The following CNTN4 variants were observed in gnomAD, a reference collection of about 807,000 sequenced individuals.
CNTN4 encodes contactin-4.
A neutral mutation model predicts 122.5 loss-of-function variants in CNTN4; 77 were observed. The ratio of observed to expected loss-of-function variants is 0.63; its 90% CI spans 0.52 to 0.76. The LOEUF is 0.76. Among genes scored for constraint, CNTN4 ranks in the 30% least tolerant of loss-of-function variants. CNTN4 has a pLI of 0.00. For synonymous variants in CNTN4, 512 were observed against 447.0 expected (o/e 1.15, Z -1.83); for missense variants, 1,256 against 1,259.1 (o/e 1.00, Z 0.04).
intron 13 of CNTN4, among the ~76,000 whole-genome samples, chr3:2,941,472 C>T (rs2094614618): frequency 6.6e-6 from 1 of 152,232 alleles, no homozygotes; most frequent in South Asian, 2.1e-4. Flanking sequence ...TTATACACCA[C>T]CTCTCTCTGA....
chr3:2,815,406 C>T lies in CNTN4; in HGVS notation c.359-4080C>T, dbSNP rs373988962. 1.5e-3 allele frequency among the ~76,000 whole-genome samples: 223 copies of T among 152,212 alleles called. 9 individuals are homozygous for T. The South Asian group carries it at 0.041, about 28-fold the overall frequency. On this transcript the variant is annotated intron_variant, in intron 6 of 24. Coordinates refer to ENST00000418658, the MANE Select transcript of CNTN4 (RefSeq NM_175607.3). ...ACAAATCAATAAGAAAAAAATCAAA[C>T]AGTCCCATCAAAAAAGTGGACTAAG...
chr3:2,566,620 A>G (rs1445283317), intron 3 of CNTN4, among the ~76,000 whole-genome samples: 2 of 151,666 alleles, frequency 1.3e-5, no homozygotes, highest in African/African-American at 4.8e-5. Flanking sequence ...AGGAGGCAGA[A>G]TTTGAATCCA....
At chr3:2,494,708 T>A (rs968383944) in intron 3 of CNTN4, among the ~76,000 whole-genome samples, 10 of 152,206 alleles carry the variant, frequency 6.6e-5, no homozygotes, top group Admixed American at 6.5e-4. Context: ...CAAAGAAATA[T>A]ATTTCAGGGT....
At chr3:2,354,770 T>C (rs1448401521) in intron 3 of CNTN4, among the ~76,000 whole-genome samples, 2 of 151,626 alleles carry the variant, frequency 1.3e-5, no homozygotes, top group Admixed American at 1.3e-4. Flanking sequence ...CTTACACGGG[T>C]TTCTGTGGCA....
intron 6 of CNTN4, among the ~76,000 whole-genome samples, chr3:2,793,687 C>G (rs2092082387): frequency 6.6e-6 from 1 of 152,158 alleles, no homozygotes; most frequent in Non-Finnish European, 1.5e-5. Context: ...TGACAATCAC[C>G]TCACTGCTGC....
intron 23 of CNTN4, among the ~76,000 whole-genome samples, chr3:3,051,323 T>G (rs1042880385): frequency 1.3e-5 from 2 of 152,138 alleles, no homozygotes; most frequent in Non-Finnish European, 2.9e-5. Flanking sequence ...CTCAAGCAAG[T>G]GTTTGGTGTA....
intron 2 of CNTN4, among the ~76,000 whole-genome samples, chr3:2,302,334 A>C (rs2150079028): frequency 6.6e-6 from 1 of 152,316 alleles, no homozygotes; most frequent in Non-Finnish European, 1.5e-5. Flanking sequence ...AGGCTGAGGC[A>C]GGAGAATCAC....
rs141336291 is a variant in CNTN4 at position 3,034,561 on chromosome 3, C to G, written c.1784-71C>G. ...TAAATGAATGGGTCAATGCCCCATT[C>G]AAGTATGTGGCTCCTTTACTTGGGT... On this transcript the variant is annotated intron_variant, in intron 16 of 24. Coordinates refer to ENST00000418658, the MANE Select transcript of CNTN4 (RefSeq NM_175607.3). 6.3e-5 allele frequency: 93 copies of G among 1,482,652 alleles called. No homozygotes were observed. In the African/African-American group the frequency reaches 7.9e-4, roughly 13 times the overall value. The allele number at this position is 1,482,652 out of a possible 1,614,324, so 91.8% of individuals were successfully genotyped here.
chr3:2,542,624 C>G (rs1351440961), intron 3 of CNTN4, among the ~76,000 whole-genome samples: 1 of 152,080 alleles, frequency 6.6e-6, no homozygotes, highest in African/African-American at 2.4e-5. Flanking sequence ...GATTAAGGTA[C>G]AAATATTTCC....
At chr3:2,836,174 G>T (rs574713929) in intron 7 of CNTN4, among the ~76,000 whole-genome samples, 2 of 152,094 alleles carry the variant, frequency 1.3e-5, no homozygotes, top group African/African-American at 4.8e-5. Context: ...AAATGTAGAA[G>T]ATATGAACAT....
At chr3:2,603,400 G>A (rs1039353773) in intron 4 of CNTN4, among the ~76,000 whole-genome samples, 1 of 152,064 alleles carries the variant, frequency 6.6e-6, no homozygotes, top group African/African-American at 2.4e-5. Flanking sequence ...TGGAAGTCCT[G>A]GTTTATCGGT....
chr3:2,361,558 A>G (rs1234000692), intron 3 of CNTN4, among the ~76,000 whole-genome samples: 1 of 152,224 alleles, frequency 6.6e-6, no homozygotes, highest in African/African-American at 2.4e-5. Context: ...GTTAGCTCAT[A>G]CATTCAGCCC....
intron 2 of CNTN4, among the ~76,000 whole-genome samples, chr3:2,152,349 C>G (rs1028253582): frequency 6.6e-6 from 1 of 152,148 alleles, no homozygotes; most frequent in Non-Finnish European, 1.5e-5. Flanking sequence ...TCTTTGTAAA[C>G]CACTGTCAGG....
intron 20 of CNTN4, among the ~76,000 whole-genome samples, chr3:3,041,837 G>A (rs1430466756): frequency 6.6e-6 from 1 of 152,162 alleles, no homozygotes; most frequent in African/African-American, 2.4e-5. Flanking sequence ...ACATGTGTGT[G>A]TGGTCCCAGC....
chr3:2,362,980 T>C (rs1316694383), intron 3 of CNTN4, among the ~76,000 whole-genome samples: 1 of 152,182 alleles, frequency 6.6e-6, no homozygotes, highest in Non-Finnish European at 1.5e-5. Flanking sequence ...CCTTTTTCTT[T>C]ATATTTTCTT....
chr3:2,896,833 G>A (rs959956331), intron 10 of CNTN4, among the ~76,000 whole-genome samples: 18 of 151,618 alleles, frequency 1.2e-4, no homozygotes, highest in South Asian at 2.1e-4. Context: ...TGAAACTCCC[G>A]CATTCCCTGG....
At chr3:2,581,868 C>A (rs1366939598) in intron 4 of CNTN4, among the ~76,000 whole-genome samples, 2 of 152,122 alleles carry the variant, frequency 1.3e-5, no homozygotes, top group African/African-American at 4.8e-5. Flanking sequence ...TTTGAAGATA[C>A]CGTGCTAAGT....
intron 4 of CNTN4, among the ~76,000 whole-genome samples, chr3:2,695,647 A>G (rs17018781): frequency 0.05 from 7,657 of 152,284 alleles, 321 homozygotes; most frequent in African/African-American, 0.099. Flanking sequence ...CGAACAGAGC[A>G]TAATCTTTGT....
At chr3:2,186,024 G>A (rs1488993280) in intron 2 of CNTN4, among the ~76,000 whole-genome samples, 1 of 151,956 alleles carries the variant, frequency 6.6e-6, no homozygotes, top group Non-Finnish European at 1.5e-5. Context: ...TTGCTGTGCT[G>A]CACCCATTAA....
Sources: allele counts gnomAD v4.1 joint callset (sites outside exome capture counted in the v4.1 genomes callset), GRCh38; gene constraint gnomAD v4.1.1; transcripts MANE v1.5; gene names NCBI Gene and HGNC (gene_info 2026-07-23, HGNC 2026-07-21).